The following ADAMTSL3 variants were observed in gnomAD, a reference collection of about 807,000 sequenced individuals.
The protein encoded by ADAMTSL3 is ADAMTS like 3.
In ADAMTSL3, 128 loss-of-function variants were observed where a neutral mutation model predicts 201.7. The ratio of observed to expected loss-of-function variants is 0.63; its 90% CI spans 0.55 to 0.73. The LOEUF (loss-of-function observed/expected upper bound fraction) is 0.73. Ranked by LOEUF, ADAMTSL3 falls within the 30% of genes least tolerant of loss-of-function variation. The pLI, the probability that ADAMTSL3 is intolerant of heterozygous loss-of-function variation, is 0.00. For missense variants in ADAMTSL3, 1,990 were observed against 2,119.6 expected (o/e 0.94, Z 1.20); for synonymous variants, 738 against 748.4 (o/e 0.99, Z 0.23).
chr15:84,029,845 G>A (rs1397143836), intron 27 of ADAMTSL3, among the ~76,000 whole-genome samples: 1 of 152,190 alleles, frequency 6.6e-6, no homozygotes, highest in Non-Finnish European at 1.5e-5. Flanking sequence ...TGTGCAGTCC[G>A]AGCACTTGGA....
chr15:83,739,822 T>C, intron 3 of ADAMTSL3: 1 of 598,936 alleles, frequency 1.7e-6, no homozygotes, highest in Non-Finnish European at 3.2e-6. Context: ...GCTGGGCTGG[T>C]GTCCAGATTG....
At chr15:83,931,853 T>C (rs1467729735) in intron 17 of ADAMTSL3, among the ~76,000 whole-genome samples, 1 of 152,106 alleles carries the variant, frequency 6.6e-6, no homozygotes, top group African/African-American at 2.4e-5. Context: ...AGAAAAATAG[T>C]TGATGATTTG....
chr15:83,728,437 C>G (rs1265533234), intron 3 of ADAMTSL3, among the ~76,000 whole-genome samples: 1 of 151,374 alleles, frequency 6.6e-6, no homozygotes, highest in Admixed American at 6.6e-5. Flanking sequence ...CGCCCCCTTC[C>G]TATTTTCTTT....
chr15:83,970,779 G>A (rs560322660), intron 20 of ADAMTSL3, 142 bp downstream of exon 20: 18 of 1,059,974 alleles, frequency 1.7e-5, no homozygotes, highest in African/African-American at 1.3e-4. Context: ...TTTCGGCAGC[G>A]ATCAGTAGAA....
chr15:83,864,531 GA>G (rs1302743004), intron 8 of ADAMTSL3, among the ~76,000 whole-genome samples: 19 of 152,152 alleles, frequency 1.2e-4, no homozygotes, highest in Non-Finnish European at 2.4e-4. Context: ...TATCTCAATA[GA>G]TGCAGAAAAA....
intron 9 of ADAMTSL3, among the ~76,000 whole-genome samples, chr15:83,882,231 A>G (rs1247512843): frequency 6.6e-6 from 1 of 152,188 alleles, no homozygotes. Flanking sequence ...ATTTATTCTC[A>G]TTGGGGAGAT....
intron 15 of ADAMTSL3, among the ~76,000 whole-genome samples, chr15:83,904,180 CCCA>C (rs2065790802): frequency 6.6e-6 from 1 of 151,904 alleles, no homozygotes; most frequent in African/African-American, 2.4e-5. Context: ...GCTGCCTCTT[CCCA>C]CCTTCTGCCA....
intron 6 of ADAMTSL3, among the ~76,000 whole-genome samples, chr15:83,837,279 A>G (rs1010196534): frequency 1.3e-5 from 2 of 152,060 alleles, no homozygotes; most frequent in African/African-American, 4.8e-5. Context: ...GATAAAGACT[A>G]TAGACAGATA....
At chr15:84,001,712 A>G (rs2067794441) in intron 23 of ADAMTSL3, among the ~76,000 whole-genome samples, 1 of 152,154 alleles carries the variant, frequency 6.6e-6, no homozygotes, top group Non-Finnish European at 1.5e-5. Context: ...AACAGGCTCA[A>G]CCTCCAGGGC....
At chr15:83,896,604 G>C (rs905487385) in intron 13 of ADAMTSL3, among the ~76,000 whole-genome samples, 3 of 152,062 alleles carry the variant, frequency 2.0e-5, no homozygotes, top group South Asian at 2.1e-4. Context: ...GAAAATCATA[G>C]GGGGAAAAAG....
chr15:83,865,924 A>C (rs985827869), intron 8 of ADAMTSL3, among the ~76,000 whole-genome samples: 3 of 152,226 alleles, frequency 2.0e-5, no homozygotes, highest in Non-Finnish European at 4.4e-5. Flanking sequence ...CAAGAAAAAA[A>C]CAGCCCCATC....
intron 2 of ADAMTSL3, among the ~76,000 whole-genome samples, chr15:83,686,120 C>T (rs1484159670): frequency 1.3e-5 from 2 of 152,334 alleles, no homozygotes; most frequent in South Asian, 2.1e-4. Context: ...TAGATGCAGG[C>T]AAGCAGCTAC....
At chr15:83,674,262 TC>T (rs1414300204) in intron 2 of ADAMTSL3, among the ~76,000 whole-genome samples, 2 of 152,004 alleles carry the variant, frequency 1.3e-5, no homozygotes, top group African/African-American at 4.8e-5. Flanking sequence ...ATTAATTTGT[TC>T]ATACAGTGTG....
chr15:83,890,215 G>A lies in ADAMTSL3; in HGVS notation c.1179G>A (p.Leu393=), dbSNP rs1434260052. Residue 393 remains leucine, a synonymous_variant, in exon 11 of 30, where the codon CTG becomes CTA. Transcript: ENST00000286744. ...AAAATGTAAAACCAAAACCAAAACT[G>A]AAGGAATGCAGCATGGATCCCTGCC... ...YPENVKPKPK[L]KECSMDPCPS... The A allele has an allele frequency of 6.2e-7, 1 of 1,613,964 alleles. No individual in the cohort carries two copies. The highest frequency in any genetic ancestry group is 1.7e-5 in the Admixed American group (1 of 60,008).
At chr15:84,027,824 TAAC>T (rs924436879) in intron 27 of ADAMTSL3, among the ~76,000 whole-genome samples, 1 of 152,014 alleles carries the variant, frequency 6.6e-6, no homozygotes, top group African/African-American at 2.4e-5. Flanking sequence ...ACAACCCAAA[TAAC>T]AACACCCCAT....
intron 23 of ADAMTSL3, among the ~76,000 whole-genome samples, chr15:84,004,717 T>A (rs139398285): frequency 2.4e-4 from 37 of 152,282 alleles, no homozygotes; most frequent in Non-Finnish European, 4.3e-4. Flanking sequence ...GCCTCAGTGT[T>A]CAAAGGTTCA....
intron 5 of ADAMTSL3, among the ~76,000 whole-genome samples, chr15:83,806,305 T>G (rs1340397832): frequency 6.6e-6 from 1 of 152,156 alleles, no homozygotes; most frequent in African/African-American, 2.4e-5. Context: ...TGGCCCTTTC[T>G]CTGGCAAAGG....
chr15:83,914,646 C>G (rs139082555), intron 16 of ADAMTSL3, among the ~76,000 whole-genome samples: 193 of 152,280 alleles, frequency 1.3e-3, no homozygotes, highest in Middle Eastern at 3.4e-3. Context: ...TGCTAAAAGT[C>G]CATGCCATCT....
intron 2 of ADAMTSL3, among the ~76,000 whole-genome samples, chr15:83,677,451 T>G (rs548302659): frequency 6.6e-6 from 1 of 152,268 alleles, no homozygotes; most frequent in East Asian, 1.9e-4. Flanking sequence ...ATTTTGAAAC[T>G]TTGTTGTTTG....
Sources: gnomAD v4.1 joint callset for allele counts (sites outside exome capture counted in the v4.1 genomes callset) on GRCh38, gnomAD v4.1.1 for gene constraint, MANE v1.5 for transcripts, NCBI Gene and HGNC (gene_info 2026-07-23, HGNC 2026-07-21) for gene names.